Variants in EZR observed in about 807,000 individuals in gnomAD.
The protein encoded by EZR is cytovillin 2.
Under a neutral mutation model 74.8 loss-of-function variants are expected in EZR, and 40 were observed. The observed-to-expected ratio is 0.53, with a 90% confidence interval of 0.42 to 0.70. EZR has a LOEUF of 0.70. Ranked by LOEUF, EZR falls within the 30% of genes least tolerant of loss-of-function variation. EZR has a pLI of 0.00. For synonymous variants in EZR, 341 were observed against 283.3 expected (o/e 1.20, Z -2.05); for missense variants, 678 against 755.8 (o/e 0.90, Z 1.21).
intron 12 of EZR, 89 bp downstream of exon 12, chr6:158,769,237 C>CA: frequency 8.8e-7 from 1 of 1,137,308 alleles, no homozygotes; most frequent in South Asian, 1.4e-5. Context: ...ACCTCTCCCC[C>CA]AACCCACCCA....
At chr6:158,767,130 C>G in intron 13 of EZR, 52 bp from the exon 14 acceptor site, 1 of 1,603,780 alleles carries the variant, frequency 6.2e-7, no homozygotes, top group African/African-American at 1.3e-5. Context: ...TATGGCCCGG[C>G]CCGTCCCCTA....
At chr6:158,812,653 G>A (rs1240408624) in intron 2 of EZR, among the ~76,000 whole-genome samples, 1 of 152,206 alleles carries the variant, frequency 6.6e-6, no homozygotes, top group African/African-American at 2.4e-5. Flanking sequence ...GGCAGTGGAT[G>A]TAGTAATGAA....
chr6:158,785,571 C>G lies in EZR; in HGVS notation c.205G>C (p.Glu69Gln). The G allele has an allele frequency of 1.2e-6, 2 of 1,613,900 alleles. No homozygotes were observed. The highest frequency in any genetic ancestry group is 1.7e-6 in the Non-Finnish European group (2 of 1,179,786). The stretch of plus-strand genomic sequence containing the variant: ...TGGAGGGGATTCTCCTTCCTGACCT[C>G]CTGGGCAGACACCTGCACGAAACAA... ...LKLDKKVSAQ[E>Q]VRKENPLQFK... The change falls in exon 5 of 14, where the codon GAG (glutamate) becomes CAG (glutamine). Residue 69 changes from glutamate to glutamine, a missense_variant. Physicochemically the swap from Glu to Gln is conservative, Grantham distance 29. Around this residue, in one of 3 missense-constraint regions of EZR, gnomAD observed 217 missense variants for 232.2 expected, o/e 0.93. Coordinates refer to ENST00000367075, the MANE Select transcript of EZR (RefSeq NM_001111077.2).
chr6:158,777,305 T>C (rs1253091425), intron 7 of EZR, among the ~76,000 whole-genome samples: 1 of 152,208 alleles, frequency 6.6e-6, no homozygotes, highest in Non-Finnish European at 1.5e-5. Flanking sequence ...ACAGACATCT[T>C]CCCATGTCAC....
intron 2 of EZR, among the ~76,000 whole-genome samples, chr6:158,806,443 C>T (rs1777340993): frequency 1.3e-5 from 2 of 151,506 alleles, no homozygotes; most frequent in Admixed American, 6.6e-5. Context: ...CTCTTTTCAG[C>T]TTCAACACCA....
chr6:158,797,047 C>CA (rs1777088820), intron 2 of EZR, among the ~76,000 whole-genome samples: 2 of 152,182 alleles, frequency 1.3e-5, no homozygotes. Flanking sequence ...GTATTTTCCT[C>CA]ATTTTGGTAA....
Position 158,771,233 on chromosome 6 carries a change from C to G in EZR, c.959+11G>C, listed in dbSNP as rs1583556382. 1 of 1,605,218 alleles carries G rather than the reference C, an allele frequency of 6.2e-7. No individual in the cohort carries two copies. The highest frequency in any genetic ancestry group is 8.5e-7 in the Non-Finnish European group (1 of 1,175,644). ...ACACAGGCCCCCCCCACTCTGGCCT[C>G]ACGCGCTCACCGCTCCAGCTGCTTC... On this transcript the variant is annotated intron_variant, in intron 9 of 13. Transcript: ENST00000367075.
intron 7 of EZR, among the ~76,000 whole-genome samples, chr6:158,777,414 C>CT (rs1232268366): frequency 6.6e-6 from 1 of 152,250 alleles, no homozygotes; most frequent in Non-Finnish European, 1.5e-5. Flanking sequence ...TGGCCAGACT[C>CT]TGGCTTTTAT....
At chr6:158,779,261 G>A (rs958086024) in intron 7 of EZR, among the ~76,000 whole-genome samples, 1 of 152,098 alleles carries the variant, frequency 6.6e-6, no homozygotes, top group African/African-American at 2.4e-5. Context: ...CAAAGTCAAT[G>A]GCCAGTACTC....
intron 7 of EZR, among the ~76,000 whole-genome samples, chr6:158,778,524 A>G (rs1187382068): frequency 6.6e-6 from 1 of 152,224 alleles, no homozygotes; most frequent in East Asian, 1.9e-4. Flanking sequence ...TTCCTAAGAG[A>G]TCACATATAG....
chr6:158,783,775 A>G (rs1791492237), intron 6 of EZR, 109 bp from the exon 7 acceptor site: 6 of 1,218,020 alleles, frequency 4.9e-6, no homozygotes, highest in African/African-American at 1.5e-5. Context: ...GGATGGGCTC[A>G]ATGCTGTGTG....
chr6:158,777,861 T>G (rs58354661), intron 7 of EZR, among the ~76,000 whole-genome samples: 19,557 of 152,144 alleles, frequency 0.13, 1,351 homozygotes, highest in African/African-American at 0.14. Context: ...TCAAAGCTTT[T>G]GTATACATCC....
rs1790776498 is a variant in EZR, at chr6:158,766,075, C to T, written c.*839G>A. 6.6e-6 allele frequency: 1 copy of T among 152,586 alleles called. No individual in the cohort carries two copies. The highest frequency in any genetic ancestry group is 1.5e-5 in the Non-Finnish European group (1 of 68,026). The allele number at this position is 152,586 out of a possible 1,614,324, so 9.5% of individuals were successfully genotyped here. Reference sequence around the variant, plus strand: ...TTACACGTGACTGCAGCAGGCAGGTCCAGCTCCACCACTGCCCTCCTGCCA... The same window carrying T: ...TTACACGTGACTGCAGCAGGCAGGTTCAGCTCCACCACTGCCCTCCTGCCA... On this transcript the variant is annotated 3_prime_UTR_variant, in exon 14 of 14. Coordinates refer to ENST00000367075, the MANE Select transcript of EZR (RefSeq NM_001111077.2).
At chr6:158,804,782 CTTTAAG>C (rs1777297731) in intron 2 of EZR, among the ~76,000 whole-genome samples, 1 of 147,916 alleles carries the variant, frequency 6.8e-6, no homozygotes, top group Non-Finnish European at 1.5e-5. Flanking sequence ...TTTTATTATA[CTTTAAG>C]TTTTAGGGTA....
At chr6:158,804,775 T>A (rs1296628374) in intron 2 of EZR, among the ~76,000 whole-genome samples, 5 of 150,688 alleles carry the variant, frequency 3.3e-5, no homozygotes, top group South Asian at 2.1e-4. Flanking sequence ...TATTTTTTTT[T>A]ATTATACTTT....
chr6:158,812,907 A>G (rs2128577292), intron 2 of EZR, among the ~76,000 whole-genome samples: 1 of 152,168 alleles, frequency 6.6e-6, no homozygotes, highest in East Asian at 1.9e-4. Context: ...GAACTCTCAA[A>G]TGCATCCACT....
chr6:158,785,116 T>A (rs1205399943), intron 5 of EZR, among the ~76,000 whole-genome samples, 193 bp downstream of exon 5: 1 of 152,220 alleles, frequency 6.6e-6, no homozygotes, highest in Non-Finnish European at 1.5e-5. Flanking sequence ...CGCTTTAGTT[T>A]CCATGAGGAA....
intron 7 of EZR, among the ~76,000 whole-genome samples, chr6:158,779,705 A>C (rs1283882157): frequency 6.6e-6 from 1 of 152,128 alleles, no homozygotes; most frequent in Non-Finnish European, 1.5e-5. Flanking sequence ...CTAGGACCAC[A>C]GGCATGCACC....
chr6:158,793,393 TCA>T (rs1483917527), intron 2 of EZR, among the ~76,000 whole-genome samples: 1 of 152,036 alleles, frequency 6.6e-6, no homozygotes, highest in Admixed American at 6.6e-5. Context: ...CTTCTTAGAA[TCA>T]CAGTTTTAAT....
Sources: allele counts gnomAD v4.1 joint callset (sites outside exome capture counted in the v4.1 genomes callset), GRCh38; gene constraint gnomAD v4.1.1; regional missense constraint gnomAD v4.1.1; transcripts MANE v1.5; gene names NCBI Gene and HGNC (gene_info 2026-07-23, HGNC 2026-07-21).